CPXM2: variants seen among roughly 807,000 people sequenced by gnomAD.
The protein encoded by CPXM2 is inactive carboxypeptidase-like protein X2.
Under a neutral mutation model 86.1 loss-of-function variants are expected in CPXM2, and 66 were observed. The observed-to-expected ratio is 0.77, with a 90% CI of 0.63 to 0.94. The LOEUF is 0.94. Ranked by LOEUF, CPXM2 falls within the 40% of genes least tolerant of loss-of-function variation. The pLI, the probability that CPXM2 is intolerant of heterozygous loss-of-function variation, is 0.00. For missense variants in CPXM2, 948 were observed against 1,026.3 expected (o/e 0.92, Z 1.04); for synonymous variants, 388 against 400.2 (o/e 0.97, Z 0.36).
intron 4 of CPXM2, among the ~76,000 whole-genome samples, chr10:123,815,455 C>T (rs535733150): frequency 3.9e-5 from 6 of 152,250 alleles, no homozygotes; most frequent in East Asian, 1.9e-4. Context: ...TGGAATGGGA[C>T]GTTTTGGAGG....
intron 13 of CPXM2, among the ~76,000 whole-genome samples, chr10:123,748,636 C>A (rs1271396415): frequency 6.6e-6 from 1 of 152,062 alleles, no homozygotes; most frequent in African/African-American, 2.4e-5. Context: ...GGGCGGCTCC[C>A]TGGCACTTCT....
intron 2 of CPXM2, among the ~76,000 whole-genome samples, chr10:123,937,878 C>T (rs887407888): frequency 6.6e-6 from 1 of 152,102 alleles, no homozygotes; most frequent in Non-Finnish European, 1.5e-5. Context: ...TCCCCTGCAC[C>T]CACAGTGACC....
intron 2 of CPXM2, among the ~76,000 whole-genome samples, chr10:123,904,878 C>T (rs1945419945): frequency 6.6e-6 from 1 of 151,856 alleles, no homozygotes; most frequent in Non-Finnish European, 1.5e-5. Flanking sequence ...CTCCCCATCC[C>T]ACCCACCCAC....
Position 123,754,805 on chromosome 10 carries a change from C to T in CPXM2, c.1918-43G>A, listed in dbSNP as rs766459314. Reference sequence around the variant, plus strand: ...GACACAGGGTGAGGTCACCGACCAGCTCTGGACACAACCGGCACAACAGAG... The same window carrying T: ...GACACAGGGTGAGGTCACCGACCAGTTCTGGACACAACCGGCACAACAGAG... On this transcript the variant is annotated intron_variant, in intron 12 of 13. Transcript: ENST00000241305. This position sits in a 1 kb window ranked among gnomAD's most constrained non-coding sequence, Gnocchi z 4.0. 1.1e-5 allele frequency: 12 copies of T among 1,128,922 alleles called. No individual in the cohort carries two copies. Among genetic ancestry groups the T allele is most frequent in the Admixed American group, 5.1e-5 (3 of 59,248 alleles). The allele number at this position is 1,128,922 out of a possible 1,614,324, so 69.9% of individuals were successfully genotyped here.
chr10:123,810,171 G>T (rs1423344892), intron 4 of CPXM2, among the ~76,000 whole-genome samples: 1 of 151,828 alleles, frequency 6.6e-6, no homozygotes, highest in Admixed American at 6.6e-5. Flanking sequence ...TATCATAAAA[G>T]ATTCAGTTTG....
chr10:123,907,035 T>A (rs1945448796), intron 2 of CPXM2, among the ~76,000 whole-genome samples: 1 of 152,192 alleles, frequency 6.6e-6, no homozygotes, highest in South Asian at 2.1e-4. Flanking sequence ...ACAAGTTTGA[T>A]GCAAAGTTCA....
chr10:123,844,646 A>G (rs1848460761), intron 3 of CPXM2, among the ~76,000 whole-genome samples: 1 of 152,216 alleles, frequency 6.6e-6, no homozygotes, highest in Non-Finnish European at 1.5e-5. Context: ...CCAAGCAAAG[A>G]AAGCAAGACA....
chr10:123,780,316 G>T, intron 6 of CPXM2, 61 bp from the exon 7 acceptor site: 1 of 1,043,966 alleles, frequency 9.6e-7, no homozygotes, highest in Non-Finnish European at 1.5e-6. Flanking sequence ...TGGCACCTCT[G>T]TTAGAGACAC....
intron 2 of CPXM2, among the ~76,000 whole-genome samples, chr10:123,936,996 CTCAA>C (rs757062960): frequency 2.0e-5 from 3 of 152,226 alleles, no homozygotes; most frequent in Non-Finnish European, 2.9e-5. Context: ...CATCCCCCAT[CTCAA>C]TCAAATGAGG....
chr10:123,904,081 T>C (rs28549127), intron 2 of CPXM2, among the ~76,000 whole-genome samples: 1 of 152,246 alleles, frequency 6.6e-6, no homozygotes, highest in African/African-American at 2.4e-5. Flanking sequence ...AAAACCAGTA[T>C]ACCATTTTTT....
At chr10:123,826,443 A>G (rs1848048563) in intron 4 of CPXM2, among the ~76,000 whole-genome samples, 1 of 152,208 alleles carries the variant, frequency 6.6e-6, no homozygotes, top group Non-Finnish European at 1.5e-5. Flanking sequence ...GTGGAGGTAC[A>G]GGAACATTTA....
chr10:123,832,906 G>T (rs1212305045), intron 4 of CPXM2, among the ~76,000 whole-genome samples: 1 of 151,642 alleles, frequency 6.6e-6, no homozygotes, highest in African/African-American at 2.4e-5. Flanking sequence ...AGAGGGTGAA[G>T]CGAGCACCTG....
At chr10:123,874,058 C>T (rs1372080331) in intron 2 of CPXM2, among the ~76,000 whole-genome samples, 4 of 151,890 alleles carry the variant, frequency 2.6e-5, no homozygotes, top group Admixed American at 6.6e-5. Flanking sequence ...TGGGGTTTCA[C>T]CACATTGCCC....
chr10:123,787,894 GC>G (rs1564769235), intron 6 of CPXM2, among the ~76,000 whole-genome samples: 1 of 152,036 alleles, frequency 6.6e-6, no homozygotes, highest in South Asian at 2.1e-4. Flanking sequence ...CGGGTTTGTA[GC>G]CCCCATTTTT....
chr10:123,930,383 C>A (rs1258628710), intron 2 of CPXM2, among the ~76,000 whole-genome samples: 1 of 152,252 alleles, frequency 6.6e-6, no homozygotes, highest in Non-Finnish European at 1.5e-5. Flanking sequence ...CTGCTTCCAG[C>A]AGCCCCATGA....
Position 123,746,488 on chromosome 10 carries a change from C to T in CPXM2, c.*276G>A. ...CGGACAGGCTCCCCTCCTTCTCCTTCTCTCTCTGATTCCCAGGTTGGCTTG... is the reference window on the plus strand; with the variant it reads ...CGGACAGGCTCCCCTCCTTCTCCTTTTCTCTCTGATTCCCAGGTTGGCTTG... On this transcript the variant is annotated 3_prime_UTR_variant, in exon 14 of 14. Transcript: ENST00000241305. The T allele has an allele frequency of 2.1e-6, 1 of 480,110 alleles. No homozygotes were observed. Among genetic ancestry groups the T allele is most frequent in the African/African-American group, 1.9e-5 (1 of 51,420 alleles). 29.7% of individuals were successfully genotyped at this position (480,110 alleles called of 1,614,324 possible).
chr10:123,789,536 G>A (rs534374447), intron 6 of CPXM2, among the ~76,000 whole-genome samples: 1 of 152,312 alleles, frequency 6.6e-6, no homozygotes, highest in Non-Finnish European at 1.5e-5. Context: ...TGGGCAGCTG[G>A]ACCACGAAGA....
intron 4 of CPXM2, among the ~76,000 whole-genome samples, chr10:123,836,606 G>A (rs1344772040): frequency 1.3e-5 from 2 of 152,148 alleles, no homozygotes; most frequent in Non-Finnish European, 2.9e-5. Flanking sequence ...GATGCTCTCT[G>A]TCCCTTATCT....
intron 4 of CPXM2, among the ~76,000 whole-genome samples, chr10:123,809,308 A>C (rs985809282): frequency 2.0e-5 from 3 of 152,174 alleles, no homozygotes; most frequent in Non-Finnish European, 4.4e-5. Flanking sequence ...TAATGAAAGA[A>C]GAAAAAATAG....
Sources: gnomAD v4.1 joint callset for allele counts (sites outside exome capture counted in the v4.1 genomes callset) on GRCh38, gnomAD v4.1.1 for gene constraint, Gnocchi (gnomAD v3.1) non-coding constraint, MANE v1.5 for transcripts, NCBI Gene and HGNC (gene_info 2026-07-23, HGNC 2026-07-21) for gene names.